The following SS18L1 variants were observed in gnomAD, a reference collection of about 807,000 sequenced individuals.
SS18L1 encodes the protein calcium-responsive transactivator.
Under a neutral mutation model 70.3 loss-of-function variants are expected in SS18L1, and 32 were observed. The ratio of observed to expected loss-of-function variants is 0.46; its 90% CI spans 0.34 to 0.61. The LOEUF is 0.61. SS18L1 is among the 20% of genes least tolerant of loss of function. The pLI is 0.01. For missense variants in SS18L1, 430 were observed against 542.1 expected (o/e 0.79, Z 2.05); for synonymous variants, 237 against 229.7 (o/e 1.03, Z -0.29).
chr20:62,154,306 C>T lies in SS18L1; in HGVS notation c.70-4366C>T, dbSNP rs561714622. On this transcript the variant is annotated intron_variant, in intron 1 of 10. Coordinates refer to ENST00000331758, the MANE Select transcript of SS18L1 (RefSeq NM_198935.3). ...TTTTTGAAGAATGCCGGCCAGTCAT[C>T]GAGTGCCCTTGGTTTGGGTACAAGG... 903 of 1,040,338 alleles carry T rather than the reference C, an allele frequency of 8.7e-4. 3 individuals are homozygous for T. The highest frequency in any genetic ancestry group is 9.8e-4 in the Non-Finnish European group (845 of 863,514). The allele number at this position is 1,040,338 out of a possible 1,614,324, so 64.4% of individuals were successfully genotyped here.
At position 62,162,783 on chromosome 20, in the gene SS18L1, GCCTAACACGCTGC is replaced by G; in HGVS notation, c.411_423del (p.Asn138ProfsTer4). On this transcript the variant is annotated frameshift_variant, in exon 5 of 11. Transcript: ENST00000331758. LOFTEE classifies it high-confidence loss of function. ...GCCACGTGTCCATGCAGCAGACGGCGCCTAACACGCTGCCCACCACCTCCATGAGCATCTCTGG... is the reference window on the plus strand; with the variant it reads ...GCCACGTGTCCATGCAGCAGACGGCGCCACCACCTCCATGAGCATCTCTGG... 6.2e-7 allele frequency: 1 copy of G among 1,612,328 alleles called. No individual in the cohort carries two copies.
intron 8 of SS18L1, among the ~76,000 whole-genome samples, chr20:62,168,894 G>A (rs912969278): frequency 3.3e-5 from 5 of 152,292 alleles, no homozygotes; most frequent in Admixed American, 2.6e-4. Flanking sequence ...ATTGTTCCTG[G>A]TGACGGCATC....
intron 1 of SS18L1, among the ~76,000 whole-genome samples, chr20:62,151,680 T>C (rs1336357569): frequency 6.6e-6 from 1 of 152,186 alleles, no homozygotes; most frequent in African/African-American, 2.4e-5. Context: ...TGTTGCGCAT[T>C]GGGTAATGGA....
chr20:62,179,502 T>TG lies in SS18L1; in HGVS notation c.*299dup. 2.0e-6 allele frequency: 1 copy of TG among 492,610 alleles called. No individual in the cohort carries two copies. The highest frequency in any genetic ancestry group is 3.7e-6 in the Non-Finnish European group (1 of 270,966). 30.5% of individuals were successfully genotyped at this position (492,610 alleles called of 1,614,324 possible). ...CCTTCTCAATGTTTCTAGCTAGCTTTGGGGGTCATTTTGTCATCAGAGCAT... is the reference window on the plus strand; with the variant it reads ...CCTTCTCAATGTTTCTAGCTAGCTTTGGGGGGTCATTTTGTCATCAGAGCAT... On this transcript the variant is annotated 3_prime_UTR_variant, in exon 11 of 11. Coordinates refer to ENST00000331758, the MANE Select transcript of SS18L1 (RefSeq NM_198935.3).
intron 9 of SS18L1, among the ~76,000 whole-genome samples, chr20:62,173,730 T>G (rs1348228647): frequency 1.3e-5 from 2 of 151,934 alleles, no homozygotes; most frequent in Non-Finnish European, 2.9e-5. Flanking sequence ...AATAAATTAC[T>G]TGAGGCTCAG....
In SS18L1 at chr20:62,166,016, G is replaced by A. The variant is rs117365729; in HGVS notation, c.916+502G>A. Among the ~76,000 whole-genome samples the A allele has an allele frequency of 5.0e-3, 768 of 152,346 alleles. 15 individuals are homozygous for A. In the South Asian group the frequency reaches 0.068, roughly 14 times the overall value. On this transcript the variant is annotated intron_variant, in intron 8 of 10. Coordinates refer to ENST00000331758, the MANE Select transcript of SS18L1 (RefSeq NM_198935.3). ...CTGGGGGCTTGCCGCCCTTCATGGC[G>A]GTCCTGGGCAGTGCTGCGCTGGGGG... is the stretch of plus-strand genomic sequence containing the variant.
chr20:62,144,279 CGCGGCGA>C, intron 1 of SS18L1, among the ~76,000 whole-genome samples: 1 of 151,862 alleles, frequency 6.6e-6, no homozygotes, highest in African/African-American at 2.4e-5. Flanking sequence ...GGGCCGGAGC[CGCGGCGA>C]GGGCTTGTCG....
chr20:62,147,655 A>G (rs1600984826), intron 1 of SS18L1, among the ~76,000 whole-genome samples: 1 of 152,146 alleles, frequency 6.6e-6, no homozygotes, highest in East Asian at 1.9e-4. Context: ...GTTGCGGGGC[A>G]GGGTTGGGGA....
In SS18L1 at chr20:62,174,956, G is replaced by A. The variant is rs2057595704; in HGVS notation, c.1164+312G>A. On this transcript the variant is annotated intron_variant, in intron 10 of 10. Coordinates refer to ENST00000331758, the MANE Select transcript of SS18L1 (RefSeq NM_198935.3). The surrounding 1 kb of genome is among the most constrained non-coding windows in gnomAD (Gnocchi z 4.1). ...GCGTCCGGTCTCTGCTGAGTGCTTG[G>A]TGTGTGGCCGCGACACGAACCCTGC... The A allele has an allele frequency of 3.1e-6, 3 of 969,196 alleles. No individual in the cohort carries two copies. Among genetic ancestry groups the A allele is most frequent in the Non-Finnish European group, 3.7e-6 (3 of 815,220 alleles). 60.0% of individuals were successfully genotyped at this position (969,196 alleles called of 1,614,324 possible).
chr20:62,160,711 C>T (rs980170371), intron 3 of SS18L1, among the ~76,000 whole-genome samples: 5 of 152,186 alleles, frequency 3.3e-5, no homozygotes, highest in Non-Finnish European at 7.3e-5. Flanking sequence ...CCTTAGTCCT[C>T]GGCAAGTGAT....
chr20:62,150,365 C>T (rs2057104865), intron 1 of SS18L1, among the ~76,000 whole-genome samples: 1 of 152,228 alleles, frequency 6.6e-6, no homozygotes, highest in Non-Finnish European at 1.5e-5. Flanking sequence ...ACAGGAGTGG[C>T]AGGCGCTAGC....
At chr20:62,175,655 C>T (rs1406378752) in intron 10 of SS18L1, among the ~76,000 whole-genome samples, 2 of 152,210 alleles carry the variant, frequency 1.3e-5, no homozygotes, top group Admixed American at 1.3e-4. Flanking sequence ...ACACTTTACA[C>T]TGCCAGTGAA....
At chr20:62,160,699 A>G (rs1218542641) in intron 3 of SS18L1, among the ~76,000 whole-genome samples, 1 of 152,058 alleles carries the variant, frequency 6.6e-6, no homozygotes, top group Non-Finnish European at 1.5e-5. Flanking sequence ...TCTCCTAGTG[A>G]CCCTTAGTCC....
At chr20:62,156,783 G>A (rs1220715056) in intron 1 of SS18L1, among the ~76,000 whole-genome samples, 3 of 152,198 alleles carry the variant, frequency 2.0e-5, no homozygotes, top group Non-Finnish European at 4.4e-5. Flanking sequence ...CAGGCAGGTG[G>A]GCTCCTCCTC....
chr20:62,152,140 G>T (rs1600996063), intron 1 of SS18L1, among the ~76,000 whole-genome samples: 1 of 152,226 alleles, frequency 6.6e-6, no homozygotes, highest in East Asian at 1.9e-4. Context: ...AGCCCAGCTG[G>T]ACGTCAACCC....
rs1260403446 is a variant in SS18L1, at chr20:62,161,228, C to T, written c.232-208C>T. On this transcript the variant is annotated intron_variant, in intron 3 of 10. Transcript: ENST00000331758. The surrounding 1 kb of genome is among the most constrained non-coding windows in gnomAD (Gnocchi z 4.4). ...GATACTCAGTAGGGTTGTGAACGCT[C>T]ACCCAGATGCTCACTCTGCCATCTC... 6.6e-6 allele frequency among the ~76,000 whole-genome samples: 1 copy of T among 150,596 alleles called. No homozygotes were observed. The highest frequency in any genetic ancestry group is 1.9e-4 in the East Asian group (1 of 5,134).
At chr20:62,148,641 G>A (rs962180466) in intron 1 of SS18L1, among the ~76,000 whole-genome samples, 1 of 152,264 alleles carries the variant, frequency 6.6e-6, no homozygotes, top group African/African-American at 2.4e-5. Context: ...CTTAGGTCAG[G>A]TGAGGGAGGC....
In SS18L1 at chr20:62,150,843, C is replaced by T. The variant is rs190286490; in HGVS notation, c.69+6954C>T. Among the ~76,000 whole-genome samples the T allele has an allele frequency of 1.5e-3, 230 of 150,200 alleles. 1 individual carries two copies. Among genetic ancestry groups the T allele is most frequent in the Non-Finnish European group, 2.6e-3 (178 of 67,918 alleles). On this transcript the variant is annotated intron_variant, in intron 1 of 10. Transcript: ENST00000331758. ...GCTGTGTGGAGCAGCGGGAGCGAAA[C>T]GTTATCAGGTGTGTGCAGAGTCGGG... is the stretch of plus-strand genomic sequence containing the variant.
At chr20:62,171,105 T>C (rs1370003818) in intron 8 of SS18L1, among the ~76,000 whole-genome samples, 1 of 152,146 alleles carries the variant, frequency 6.6e-6, no homozygotes, top group Admixed American at 6.5e-5. Flanking sequence ...GGTTTCACCA[T>C]GTTAGCCAGG....
Sources: gnomAD v4.1 joint callset for allele counts (sites outside exome capture counted in the v4.1 genomes callset) on GRCh38, gnomAD v4.1.1 for gene constraint, Gnocchi (gnomAD v3.1) non-coding constraint, MANE v1.5 for transcripts, NCBI Gene and HGNC (gene_info 2026-07-23, HGNC 2026-07-21) for gene names.